FSHR: variants seen among roughly 807,000 people sequenced by gnomAD.
FSHR encodes follicle stimulating hormone receptor, also known as follicle-stimulating hormone receptor.
FSHR carries 46 observed loss-of-function variants against 52.1 expected under a neutral mutation model. The ratio of observed to expected loss-of-function variants is 0.88; its 90% CI spans 0.70 to 1.13. The LOEUF (loss-of-function observed/expected upper bound fraction) is 1.13. Ranked by LOEUF, FSHR falls within the 50% of genes most tolerant of loss-of-function variation. The pLI is 0.00. For missense variants in FSHR, 964 were observed against 834.6 expected, an observed-to-expected ratio of 1.16 and a Z score of -1.91; for synonymous variants, 399 against 309.6, an observed-to-expected ratio of 1.29 and a Z score of -3.03.
At chr2:49,111,648 G>C (rs186132767) in intron 1 of FSHR, among the ~76,000 whole-genome samples, 2 of 152,266 alleles carry the variant, frequency 1.3e-5, no homozygotes, top group East Asian at 3.9e-4. Context: ...TATTGATTGA[G>C]ATCATATATG....
chr2:49,053,892 C>G (rs1285637723), intron 2 of FSHR, among the ~76,000 whole-genome samples: 10 of 152,068 alleles, frequency 6.6e-5, no homozygotes, highest in Admixed American at 6.6e-4. Context: ...GTATTAAGGG[C>G]CTTGACAACT....
At chr2:49,152,288 C>G (rs910210503) in intron 1 of FSHR, among the ~76,000 whole-genome samples, 1 of 152,160 alleles carries the variant, frequency 6.6e-6, no homozygotes, top group Admixed American at 6.6e-5. Context: ...GTTCATCACA[C>G]TCTCTCACAC....
chr2:49,108,512 A>G (rs1255884816), intron 1 of FSHR, among the ~76,000 whole-genome samples: 2 of 152,062 alleles, frequency 1.3e-5, no homozygotes, highest in Non-Finnish European at 2.9e-5. Context: ...CTCAGCTTAG[A>G]GTTCTGCTAC....
intron 2 of FSHR, among the ~76,000 whole-genome samples, chr2:49,028,759 G>A (rs1667995831): frequency 6.6e-6 from 1 of 152,174 alleles, no homozygotes; most frequent in Non-Finnish European, 1.5e-5. Context: ...CTTTTTAGCT[G>A]TTGGTTGGAG....
intron 1 of FSHR, among the ~76,000 whole-genome samples, chr2:49,103,194 GT>G (rs926940810): frequency 2.0e-5 from 3 of 152,118 alleles, no homozygotes; most frequent in Non-Finnish European, 4.4e-5. Context: ...AACGTCCTAG[GT>G]TTGGACATTA....
intron 1 of FSHR, among the ~76,000 whole-genome samples, chr2:49,103,505 T>C (rs1042534923): frequency 6.6e-6 from 1 of 152,092 alleles, no homozygotes; most frequent in African/African-American, 2.4e-5. Flanking sequence ...TTGTGCATAG[T>C]TGTGATCCTC....
intron 1 of FSHR, among the ~76,000 whole-genome samples, chr2:49,134,733 A>C (rs1044529098): frequency 5.3e-5 from 8 of 152,210 alleles, no homozygotes; most frequent in African/African-American, 1.4e-4. Context: ...TACTATGCAG[A>C]CATAAAAAAT....
At chr2:48,993,185 T>G (rs1675863753) in intron 4 of FSHR, among the ~76,000 whole-genome samples, 1 of 152,162 alleles carries the variant, frequency 6.6e-6, no homozygotes, top group African/African-American at 2.4e-5. Flanking sequence ...GCATCAATAT[T>G]GTGTGACTCC....
chr2:48,962,645 T>C lies in FSHR; in HGVS notation c.*88A>G. The C allele has an allele frequency of 2.3e-6, 3 of 1,325,222 alleles. No homozygotes were observed. The highest frequency in any genetic ancestry group is 3.2e-6 in the Non-Finnish European group (3 of 924,182). The allele number at this position is 1,325,222 out of a possible 1,614,324, so 82.1% of individuals were successfully genotyped here. A position where few individuals can be genotyped will look rare whatever the true frequency, so the allele number is the denominator to read the frequency against. On this transcript the variant is annotated 3_prime_UTR_variant, in exon 10 of 10. Coordinates refer to ENST00000406846, the MANE Select transcript of FSHR (RefSeq NM_000145.4). Reference sequence around the variant, plus strand: ...GGAATATTAAATTAGATGAAATGTGTAGAAGCACTGTCAGCTCTTTGTGAC... The same window carrying C: ...GGAATATTAAATTAGATGAAATGTGCAGAAGCACTGTCAGCTCTTTGTGAC...
intron 1 of FSHR, among the ~76,000 whole-genome samples, chr2:49,115,066 A>T (rs552450948): frequency 6.6e-6 from 1 of 150,658 alleles, no homozygotes; most frequent in Non-Finnish European, 1.5e-5. Flanking sequence ...CAAGATGTGC[A>T]TGGAAAGGAG....
chr2:49,017,075 TAAAC>T (rs1318853471), intron 4 of FSHR, among the ~76,000 whole-genome samples: 1 of 152,118 alleles, frequency 6.6e-6, no homozygotes, highest in East Asian at 1.9e-4. Context: ...ACATACAAAA[TAAAC>T]AAAATAAAAT....
chr2:49,136,021 A>G (rs1045852100), intron 1 of FSHR, among the ~76,000 whole-genome samples: 1 of 151,882 alleles, frequency 6.6e-6, no homozygotes, highest in African/African-American at 2.4e-5. Flanking sequence ...ATGTTGTTCT[A>G]TGGTCAAGTG....
At position 48,962,889 on chromosome 2, in the gene FSHR, A is replaced by G. The variant is rs1235827201; in HGVS notation, c.1932T>C (p.Cys644=). 2 of 1,614,076 alleles carry G rather than the reference A, an allele frequency of 1.2e-6. No individual in the cohort carries two copies. The highest frequency in any genetic ancestry group is 1.3e-5 in the African/African-American group (1 of 74,926). The change falls in exon 10 of 10, where the codon TGT becomes TGC. Residue 644 remains cysteine (C), a synonymous_variant. Coordinates refer to ENST00000406846, the MANE Select transcript of FSHR (RefSeq NM_000145.4). ...RRDFFILLSK[C]GCYEMQAQIY... Reference sequence around the variant, plus strand: ...TTTGGGCTTGCATTTCATAGCAGCCACACTTGCTCAGCAGAATGAAGAAAT... The same window carrying G: ...TTTGGGCTTGCATTTCATAGCAGCCGCACTTGCTCAGCAGAATGAAGAAAT...
At chr2:49,149,692 A>G (rs1672994866) in intron 1 of FSHR, among the ~76,000 whole-genome samples, 2 of 152,120 alleles carry the variant, frequency 1.3e-5, no homozygotes, top group South Asian at 4.1e-4. Flanking sequence ...TAACCTAGAC[A>G]CACTTTAAAA....
chr2:49,007,065 C>T (rs1667097828), intron 4 of FSHR, among the ~76,000 whole-genome samples: 1 of 152,060 alleles, frequency 6.6e-6, no homozygotes, highest in Non-Finnish European at 1.5e-5. Flanking sequence ...TGAGTTCTTA[C>T]TGATTGGCCA....
Position 48,963,608 on chromosome 2 carries a change from C to T in FSHR, c.1213G>A (p.Ala405Thr), listed in dbSNP as rs1328627478. Residue 405 changes from alanine to threonine, a missense_variant, in exon 10 of 10, where the codon GCC becomes ACC. Coordinates refer to ENST00000406846, the MANE Select transcript of FSHR (RefSeq NM_000145.4). The part of the protein sequence containing the change: ...TVPRFLMCNL[A>T]FADLCIGIYL... ...ATTCCAATGCAGAGATCAGCAAAGG[C>T]CAGGTTGCACATAAGGAACCTGGGG... The T allele has an allele frequency of 1.9e-6, 3 of 1,614,026 alleles. No homozygotes were observed. The highest frequency in any genetic ancestry group is 1.1e-5 in the South Asian group (1 of 91,088).
chr2:49,053,516 C>T (rs1668943939), intron 2 of FSHR, among the ~76,000 whole-genome samples: 1 of 152,142 alleles, frequency 6.6e-6, no homozygotes, highest in South Asian at 2.1e-4. Flanking sequence ...GTTTACAGTG[C>T]ACTTTGCAAA....
intron 4 of FSHR, among the ~76,000 whole-genome samples, chr2:48,996,203 T>C (rs1251894977): frequency 6.6e-6 from 1 of 152,138 alleles, no homozygotes; most frequent in African/African-American, 2.4e-5. Flanking sequence ...ATTTTTAAAG[T>C]CTCTTGCATA....
intron 4 of FSHR, among the ~76,000 whole-genome samples, chr2:49,016,536 G>C (rs982737892): frequency 1.3e-5 from 2 of 152,154 alleles, no homozygotes; most frequent in Non-Finnish European, 2.9e-5. Flanking sequence ...GGAGGGCTGA[G>C]TCATCCCAAT....
Sources: gnomAD v4.1 joint callset for allele counts (sites outside exome capture counted in the v4.1 genomes callset) on GRCh38, gnomAD v4.1.1 for gene constraint, MANE v1.5 for transcripts, NCBI Gene and HGNC (gene_info 2026-07-23, HGNC 2026-07-21) for gene names.